ATP10A: variants seen among roughly 807,000 people sequenced by gnomAD.
The protein encoded by ATP10A is ATPase phospholipid transporting 10A (putative).
A neutral mutation model predicts 147.8 loss-of-function variants in ATP10A; 111 were observed. The ratio of observed to expected loss-of-function variants is 0.75; its 90% CI spans 0.64 to 0.88. The LOEUF (loss-of-function observed/expected upper bound fraction) is 0.88. Ranked by LOEUF, ATP10A falls within the 40% of genes least tolerant of loss-of-function variation. The pLI is 0.00. For synonymous variants in ATP10A, 875 were observed against 841.6 expected (o/e 1.04, Z -0.69); for missense variants, 1,927 against 1,959.0 (o/e 0.98, Z 0.31).
At chr15:25,797,555 C>T (rs1363418921) in intron 1 of ATP10A, among the ~76,000 whole-genome samples, 1 of 152,178 alleles carries the variant, frequency 6.6e-6, no homozygotes, top group Non-Finnish European at 1.5e-5. Flanking sequence ...ATTACAGACT[C>T]TCTACATACG....
At chr15:25,774,209 TAAG>T (rs1342376576) in intron 2 of ATP10A, among the ~76,000 whole-genome samples, 14 of 152,310 alleles carry the variant, frequency 9.2e-5, no homozygotes, top group Admixed American at 4.6e-4. Flanking sequence ...CCACACAATA[TAAG>T]AAGATCTTTT....
chr15:25,836,651 T>C (rs562426144), intron 1 of ATP10A, among the ~76,000 whole-genome samples: 1 of 152,310 alleles, frequency 6.6e-6, no homozygotes, highest in South Asian at 2.1e-4. Flanking sequence ...GGCAGCTTTG[T>C]CCCTACCTCT....
chr15:25,725,969 A>G lies in ATP10A; in HGVS notation c.961T>C (p.Ser321Pro). Residue 321 changes from serine to proline, a missense_variant, in exon 5 of 21, where the codon TCT (serine) becomes CCT (proline). Ser to Pro is a moderately conservative substitution (Grantham distance 74). Transcript: ENST00000555815. Reference protein sequence around the residue: ...LWCVLLLVCMSLFSAVGHGLW... With the variant: ...LWCVLLLVCMPLFSAVGHGLW... ...GACTTACCGACTGCTGAAAACAGAG[A>G]CATGCAAACAAGGAGCAGGACACAC... 6.2e-7 allele frequency: 1 copy of G among 1,613,638 alleles called. No homozygotes were observed. Among genetic ancestry groups the G allele is most frequent in the Non-Finnish European group, 8.5e-7 (1 of 1,179,696 alleles).
chr15:25,761,970 G>A (rs890843687), intron 2 of ATP10A, among the ~76,000 whole-genome samples: 1 of 152,164 alleles, frequency 6.6e-6, no homozygotes. Context: ...GTTTGGCTGT[G>A]TCTCTACCAA....
chr15:25,754,106 C>A (rs112648147), intron 2 of ATP10A, among the ~76,000 whole-genome samples: 6 of 151,856 alleles, frequency 4.0e-5, no homozygotes, highest in Admixed American at 6.6e-5. Flanking sequence ...TCATGTGCTG[C>A]GGTTTTTTAT....
intron 2 of ATP10A, among the ~76,000 whole-genome samples, chr15:25,738,301 G>A (rs985113301): frequency 1.3e-5 from 2 of 152,140 alleles, no homozygotes; most frequent in South Asian, 2.1e-4. Flanking sequence ...AGAGGCCCCC[G>A]ATCCACCCTT....
downstream of ATP10A, among the ~76,000 whole-genome samples, chr15:25,675,833 C>G (rs1899125988): frequency 1.3e-5 from 2 of 152,050 alleles, no homozygotes; most frequent in African/African-American, 4.8e-5. Context: ...ATAGTCCCAG[C>G]TACTTGGGAG....
chr15:25,724,817 T>C (rs1160624861), intron 5 of ATP10A, among the ~76,000 whole-genome samples: 16 of 152,218 alleles, frequency 1.1e-4, no homozygotes, highest in Admixed American at 9.2e-4. Context: ...TACAGTCAGC[T>C]CTCAGTATCT....
At chr15:25,725,869 C>T (rs1178022657) in intron 5 of ATP10A, 82 bp downstream of exon 5, 21 of 1,458,992 alleles carry the variant, frequency 1.4e-5, no homozygotes, top group Middle Eastern at 1.8e-4. Flanking sequence ...CTGCCCGCCT[C>T]GGCCTCCCAA....
intron 1 of ATP10A, among the ~76,000 whole-genome samples, chr15:25,817,064 CTG>C (rs1027076816): frequency 6.6e-6 from 1 of 151,944 alleles, no homozygotes; most frequent in African/African-American, 2.4e-5. Flanking sequence ...TTCTCTCTCT[CTG>C]TTTTTTGGTT....
At chr15:25,814,112 G>A (rs1461051618) in intron 1 of ATP10A, among the ~76,000 whole-genome samples, 1 of 151,972 alleles carries the variant, frequency 6.6e-6, no homozygotes, top group Non-Finnish European at 1.5e-5. Context: ...TAAAATCAAT[G>A]ATAGGAAAAA....
chr15:25,767,184 C>T (rs1183451217), intron 2 of ATP10A, among the ~76,000 whole-genome samples: 4 of 152,166 alleles, frequency 2.6e-5, no homozygotes, highest in Non-Finnish European at 5.9e-5. Flanking sequence ...CTGAGAGTGC[C>T]AAGGTTAGAA....
At chr15:25,784,980 C>G (rs1890091097) in intron 1 of ATP10A, among the ~76,000 whole-genome samples, 1 of 151,574 alleles carries the variant, frequency 6.6e-6, no homozygotes, top group Admixed American at 6.6e-5. Context: ...CTACCAGGGA[C>G]AGACCCTGGA....
chr15:25,680,467 G>A (rs1367766734), intron 19 of ATP10A, among the ~76,000 whole-genome samples, 159 bp from the exon 20 acceptor site: 1 of 152,190 alleles, frequency 6.6e-6, no homozygotes, highest in Non-Finnish European at 1.5e-5. Flanking sequence ...GGCTCAATGA[G>A]GCCTCCAGAA....
At chr15:25,724,869 A>C (rs963336839) in intron 5 of ATP10A, among the ~76,000 whole-genome samples, 8 of 152,216 alleles carry the variant, frequency 5.3e-5, no homozygotes, top group Admixed American at 5.2e-4. Context: ...ATGGACCAAA[A>C]ATATTAGGAG....
At chr15:25,820,817 G>T (rs978846179) in intron 1 of ATP10A, among the ~76,000 whole-genome samples, 1 of 152,000 alleles carries the variant, frequency 6.6e-6, no homozygotes, top group African/African-American at 2.4e-5. Context: ...AAACCATAAG[G>T]CAAACAGAAA....
At position 25,714,965 on chromosome 15, in the gene ATP10A, TACAC is replaced by T. The variant is rs10523875; in HGVS notation, c.1777-728_1777-725del. ...TAAGAAACAAAATGAATGACACATA[TACAC>T]ACACACACACACACACACACACACA... On this transcript the variant is annotated intron_variant, in intron 9 of 20. Transcript: ENST00000555815. Among the ~76,000 whole-genome samples the T allele has an allele frequency of 5.4e-3, 794 of 145,688 alleles. 5 individuals are homozygous for T. The highest frequency in any genetic ancestry group is 0.012 in the African/African-American group (480 of 39,636).
At chr15:25,739,223 C>T (rs1386305932) in intron 2 of ATP10A, among the ~76,000 whole-genome samples, 1 of 152,212 alleles carries the variant, frequency 6.6e-6, no homozygotes. Flanking sequence ...GCGTGAGCCA[C>T]TGCACTCGGC....
chr15:25,697,430 ACT>A (rs985240648), intron 13 of ATP10A, among the ~76,000 whole-genome samples: 9 of 152,204 alleles, frequency 5.9e-5, no homozygotes, highest in Non-Finnish European at 1.2e-4. Flanking sequence ...GAAAATCTTA[ACT>A]CTGTGGAAAA....
Sources: gnomAD v4.1 joint callset for allele counts (sites outside exome capture counted in the v4.1 genomes callset) on GRCh38, gnomAD v4.1.1 for gene constraint, MANE v1.5 for transcripts, NCBI Gene and HGNC (gene_info 2026-07-23, HGNC 2026-07-21) for gene names.